Variants in NEK9 observed in about 807,000 individuals in gnomAD.
NEK9 encodes the protein NIMA related kinase 9, also known as serine/threonine-protein kinase Nek9.
In NEK9, 75 loss-of-function variants were observed where a neutral mutation model predicts 123.4. The ratio of observed to expected loss-of-function variants is 0.61; its 90% CI spans 0.50 to 0.74. NEK9 has a LOEUF of 0.74. Among genes scored for constraint, NEK9 ranks in the 30% least tolerant of loss-of-function variants. The probability of loss-of-function intolerance (pLI) is 0.00; values close to 1 mark genes in which losing one functional copy is unlikely to be tolerated. For missense variants in NEK9, 952 were observed against 1,214.4 expected (o/e 0.78, Z 3.21); for synonymous variants, 438 against 458.7 (o/e 0.95, Z 0.58).
intron 6 of NEK9, among the ~76,000 whole-genome samples, chr14:75,115,874 T>C (rs1895124917): frequency 6.6e-6 from 1 of 151,946 alleles, no homozygotes; most frequent in Non-Finnish European, 1.5e-5. Flanking sequence ...TTAATTTACT[T>C]AAAAAAAGAA....
At chr14:75,094,500 A>T (rs1894318137) in intron 18 of NEK9, among the ~76,000 whole-genome samples, 1 of 152,194 alleles carries the variant, frequency 6.6e-6, no homozygotes, top group Admixed American at 6.5e-5. Context: ...GATTCCAAAC[A>T]ATATCAGAAT....
chr14:75,091,565 G>C (rs1894219244), intron 18 of NEK9, 87 bp from the exon 19 acceptor site: 2 of 1,193,294 alleles, frequency 1.7e-6, no homozygotes, highest in Non-Finnish European at 2.2e-6. Flanking sequence ...CCCTGGAAAG[G>C]TGCCTATAAG....
At chr14:75,090,427 A>G (rs185953650) in intron 19 of NEK9, among the ~76,000 whole-genome samples, 9 of 152,340 alleles carry the variant, frequency 5.9e-5, no homozygotes, top group Admixed American at 5.9e-4. Context: ...AAAACTGTCA[A>G]TACATAGTCT....
rs553513061 is a variant in NEK9 at position 75,121,666 on chromosome 14, C to T, written c.398-492G>A. On this transcript the variant is annotated intron_variant, in intron 2 of 21. Transcript: ENST00000238616. ...GAATTTAAGACCAGCCTGGGCAACA[C>T]GGCAAAACCCTTGTCTCTACCAAAA... Among the ~76,000 whole-genome samples, 4 of 152,268 alleles carry T rather than the reference C, an allele frequency of 2.6e-5. No individual in the cohort carries two copies. In the South Asian group the frequency reaches 8.3e-4, roughly 32 times the overall value.
chr14:75,115,849 A>G (rs776386741), intron 6 of NEK9, among the ~76,000 whole-genome samples: 23 of 152,208 alleles, frequency 1.5e-4, no homozygotes, highest in Non-Finnish European at 2.5e-4. Flanking sequence ...GCACTGCTTT[A>G]TATCAGGTTG....
chr14:75,094,263 A>G (rs1485831827), intron 18 of NEK9, among the ~76,000 whole-genome samples: 7 of 152,144 alleles, frequency 4.6e-5, no homozygotes, highest in African/African-American at 1.7e-4. Context: ...AATCTGTTTG[A>G]TTGACCGATT....
At chr14:75,086,732 CCT>C (rs925181219) in intron 21 of NEK9, 13 of 341,782 alleles carry the variant, frequency 3.8e-5, no homozygotes, top group Middle Eastern at 1.0e-3. Flanking sequence ...ACGGTGAAAC[CCT>C]GTCTCTACTA....
Position 75,114,813 on chromosome 14 carries a change from A to G in NEK9, c.763-500T>C, listed in dbSNP as rs563294557. ...TACAAACTAGACAGGCACATTACATATATGATATTTTTTAGCCTCACTAAC... is the reference window on the plus strand; with the variant it reads ...TACAAACTAGACAGGCACATTACATGTATGATATTTTTTAGCCTCACTAAC... On this transcript the variant is annotated intron_variant, in intron 6 of 21. Transcript: ENST00000238616. 5.3e-5 allele frequency among the ~76,000 whole-genome samples: 8 copies of G among 152,266 alleles called. No homozygotes were observed. In the South Asian group the frequency reaches 1.7e-3, roughly 32 times the overall value.
In NEK9 at chr14:75,117,330, A is replaced by G. The variant is rs1469241817; in HGVS notation, c.631-4T>C. ...TGTAATATGGGGTTCCCACAAGCTG[A>G]GCAACAAAGAAACAATCAAAGAATA... On this transcript the variant is annotated splice_region_variant and splice_polypyrimidine_tract_variant and intron_variant, in intron 5 of 21. Coordinates refer to ENST00000238616, the MANE Select transcript of NEK9 (RefSeq NM_033116.6). 1 of 1,597,028 alleles carries G rather than the reference A, an allele frequency of 6.3e-7. No individual in the cohort carries two copies. The highest frequency in any genetic ancestry group is 8.5e-7 in the Non-Finnish European group (1 of 1,175,510).
At chr14:75,112,757 G>T (rs1172168690) in intron 8 of NEK9, among the ~76,000 whole-genome samples, 1 of 152,170 alleles carries the variant, frequency 6.6e-6, no homozygotes, top group African/African-American at 2.4e-5. Context: ...GAAGTTCAAG[G>T]CTGCAGTGAG....
rs1893946779 is a variant in NEK9 at position 75,084,202 on chromosome 14, A to G, written c.*362T>C. 5.0e-6 allele frequency: 1 copy of G among 200,734 alleles called. No individual in the cohort carries two copies. Among genetic ancestry groups the G allele is most frequent in the South Asian group, 9.7e-5 (1 of 10,272 alleles). 12.4% of individuals were successfully genotyped at this position (200,734 alleles called of 1,614,324 possible). ...GAATTCCCAAGGCAGCTTCCAATCA[A>G]TGGTGAAAATGATACATGGGATATA... On this transcript the variant is annotated 3_prime_UTR_variant, in exon 22 of 22. Coordinates refer to ENST00000238616, the MANE Select transcript of NEK9 (RefSeq NM_033116.6).
chr14:75,096,810 C>A, intron 17 of NEK9: 1 of 236,664 alleles, frequency 4.2e-6, no homozygotes, highest in Non-Finnish European at 8.0e-6. Context: ...AAGAGTGAAA[C>A]TCCAACTCAA....
intron 10 of NEK9, among the ~76,000 whole-genome samples, chr14:75,109,378 G>C (rs1180592285): frequency 2.0e-5 from 3 of 152,122 alleles, no homozygotes; most frequent in African/African-American, 7.2e-5. Context: ...CAGAGTAATT[G>C]AGTGACTTGT....
At chr14:75,119,084 G>A in intron 4 of NEK9, 149 bp from the exon 5 acceptor site, 1 of 602,844 alleles carries the variant, frequency 1.7e-6, no homozygotes. Context: ...GGGAGGGCAA[G>A]GCAGGAGTAC....
chr14:75,108,539 G>A (rs1284445589), intron 10 of NEK9, among the ~76,000 whole-genome samples: 1 of 130,488 alleles, frequency 7.7e-6, no homozygotes, highest in East Asian at 2.0e-4. Flanking sequence ...GTGTGTGTGT[G>A]TGTGTGACAG....
At chr14:75,118,520 C>T (rs1014584094) in intron 5 of NEK9, among the ~76,000 whole-genome samples, 4 of 152,154 alleles carry the variant, frequency 2.6e-5, no homozygotes, top group African/African-American at 7.2e-5. Flanking sequence ...ACACCTTGAG[C>T]TCAAACATTA....
At chr14:75,122,726 G>A (rs1020313969) in intron 2 of NEK9, among the ~76,000 whole-genome samples, 3 of 149,704 alleles carry the variant, frequency 2.0e-5, no homozygotes, top group Non-Finnish European at 4.4e-5. Flanking sequence ...GGATGGTCTC[G>A]ATCTCCTGAC....
At chr14:75,093,136 G>A (rs544248726) in intron 18 of NEK9, among the ~76,000 whole-genome samples, 2 of 152,190 alleles carry the variant, frequency 1.3e-5, no homozygotes, top group Admixed American at 1.3e-4. Context: ...ATATGTGCCC[G>A]CTTAAACTTA....
In NEK9 at chr14:75,080,413, C is replaced by CT. The variant is rs1344754056; in HGVS notation, c.*4150dup. The CT allele has an allele frequency of 1.3e-5, 2 of 151,670 alleles. No homozygotes were observed. Among genetic ancestry groups the CT allele is most frequent in the African/African-American group, 4.8e-5 (2 of 41,288 alleles). 9.4% of individuals were successfully genotyped at this position (151,670 alleles called of 1,614,324 possible). A position where few individuals can be genotyped will look rare whatever the true frequency, so the allele number is the denominator to read the frequency against. Reference sequence around the variant, plus strand: ...CTGGTCTCTGGGAAGAGATAAGAACCTTTTTTTAAAAAAATCTGAATTTCT... The same window carrying CT: ...CTGGTCTCTGGGAAGAGATAAGAACCTTTTTTTTAAAAAAATCTGAATTTCT... On this transcript the variant is annotated 3_prime_UTR_variant, in exon 22 of 22. Transcript: ENST00000238616.
Sources: gnomAD v4.1 joint callset for allele counts (sites outside exome capture counted in the v4.1 genomes callset) on GRCh38, gnomAD v4.1.1 for gene constraint, MANE v1.5 for transcripts, NCBI Gene and HGNC (gene_info 2026-07-23, HGNC 2026-07-21) for gene names.